STARD13: variants seen among roughly 807,000 people sequenced by gnomAD.
STARD13 encodes the protein stAR-related lipid transfer protein 13.
Under a neutral mutation model 106.4 loss-of-function variants are expected in STARD13, and 62 were observed. That is an observed-to-expected ratio of 0.58 (90% CI 0.48 to 0.72). The LOEUF (loss-of-function observed/expected upper bound fraction) is 0.72. Among genes scored for constraint, STARD13 ranks in the 30% least tolerant of loss-of-function variants. STARD13 has a pLI of 0.00. For missense variants in STARD13, 1,387 were observed against 1,424.0 expected (o/e 0.97, Z 0.42); for synonymous variants, 565 against 553.0 (o/e 1.02, Z -0.31).
chr13:33,128,625 C>G (rs953112096), intron 5 of STARD13, among the ~76,000 whole-genome samples: 1 of 152,064 alleles, frequency 6.6e-6, no homozygotes, highest in Non-Finnish European at 1.5e-5. Flanking sequence ...TATTGGTTAT[C>G]CAGGATTCCC....
intron 1 of STARD13, among the ~76,000 whole-genome samples, chr13:33,339,255 T>TAG (rs1354518171): frequency 1.3e-5 from 2 of 152,218 alleles, no homozygotes; most frequent in East Asian, 3.8e-4. Context: ...CAAACTCATG[T>TAG]AGCTTTGACT....
At chr13:33,667,502 G>A in the STARD13 span, among the ~76,000 whole-genome samples, 2 of 152,164 alleles carry the variant, frequency 1.3e-5, no homozygotes, top group Non-Finnish European at 2.9e-5. Context: ...AGGCAATTAA[G>A]CAAGTAGTTT....
intron 1 of STARD13, among the ~76,000 whole-genome samples, chr13:33,334,669 G>A (rs184421452): frequency 2.0e-5 from 3 of 152,246 alleles, no homozygotes; most frequent in Non-Finnish European, 4.4e-5. Context: ...TTTAAAAGTG[G>A]GCAGGATCTA....
chr13:33,283,148 C>G (rs952879617), intron 1 of STARD13, among the ~76,000 whole-genome samples: 3 of 152,076 alleles, frequency 2.0e-5, no homozygotes, highest in African/African-American at 7.2e-5. Context: ...GAAATATAAC[C>G]TGACAGGAAA....
At chr13:33,674,058 C>T in the STARD13 span, among the ~76,000 whole-genome samples, 3 of 152,058 alleles carry the variant, frequency 2.0e-5, no homozygotes, top group Non-Finnish European at 4.4e-5. Flanking sequence ...CAGGGTTTCA[C>T]CATGTTGGCC....
chr13:33,461,469 T>A, the STARD13 span, among the ~76,000 whole-genome samples: 1 of 152,184 alleles, frequency 6.6e-6, no homozygotes, highest in Non-Finnish European at 1.5e-5. Context: ...GGAGGAAACC[T>A]AGACTCAGAG....
chr13:33,133,635 A>C (rs1184532717), intron 4 of STARD13, among the ~76,000 whole-genome samples: 1 of 138,306 alleles, frequency 7.2e-6, no homozygotes, highest in Admixed American at 7.7e-5. Flanking sequence ...CAGGGCATGC[A>C]TACAGACTAT....
At chr13:33,404,829 T>C in the STARD13 span, among the ~76,000 whole-genome samples, 20 of 145,602 alleles carry the variant, frequency 1.4e-4, no homozygotes, top group African/African-American at 5.1e-4. Context: ...CAGGCTGGAG[T>C]GCAGTGGCAT....
chr13:33,176,997 G>T (rs189248020), intron 1 of STARD13, among the ~76,000 whole-genome samples: 2 of 152,148 alleles, frequency 1.3e-5, no homozygotes, highest in East Asian at 3.8e-4. Context: ...CTTAATTGAG[G>T]ATCTTCACAT....
intron 4 of STARD13, among the ~76,000 whole-genome samples, chr13:33,132,762 A>G (rs369792822): frequency 2.0e-5 from 3 of 152,212 alleles, no homozygotes; most frequent in African/African-American, 7.2e-5. Flanking sequence ...CTGAGTTTTA[A>G]AAAAGTTGTA....
At chr13:33,507,452 C>T in the STARD13 span, among the ~76,000 whole-genome samples, 10 of 152,106 alleles carry the variant, frequency 6.6e-5, no homozygotes, top group East Asian at 1.9e-3. Flanking sequence ...ATAAAGTAAA[C>T]ATTATATTAA....
intron 1 of STARD13, among the ~76,000 whole-genome samples, chr13:33,349,756 C>T (rs2078053525): frequency 6.6e-6 from 1 of 152,330 alleles, no homozygotes; most frequent in Middle Eastern, 3.4e-3. Context: ...CACCAACTAC[C>T]GTCCACCTGT....
At chr13:33,126,796 A>G (rs1877241474) in intron 6 of STARD13, among the ~76,000 whole-genome samples, 1 of 152,230 alleles carries the variant, frequency 6.6e-6, no homozygotes, top group Non-Finnish European at 1.5e-5. Flanking sequence ...TGTATAATAT[A>G]AAACATAGAA....
chr13:33,675,728 A>G, the STARD13 span, among the ~76,000 whole-genome samples: 1 of 152,178 alleles, frequency 6.6e-6, no homozygotes, highest in African/African-American at 2.4e-5. Flanking sequence ...GAACATGTGG[A>G]CAAAGATTTA....
the STARD13 span, among the ~76,000 whole-genome samples, chr13:33,430,678 C>T: frequency 6.6e-6 from 1 of 152,184 alleles, no homozygotes; most frequent in Non-Finnish European, 1.5e-5. Flanking sequence ...AACCTAAGTG[C>T]CCTTCAATGG....
chr13:33,152,102 G>A (rs1881360267), intron 3 of STARD13, among the ~76,000 whole-genome samples: 1 of 152,202 alleles, frequency 6.6e-6, no homozygotes, highest in Admixed American at 6.5e-5. Context: ...GTCCACATAT[G>A]GATGATATAC....
chr13:33,218,486 C>T (rs1399386638), intron 1 of STARD13, among the ~76,000 whole-genome samples: 2 of 152,176 alleles, frequency 1.3e-5, no homozygotes, highest in African/African-American at 2.4e-5. Context: ...ACTCTTGAGT[C>T]TCTCCTTCAG....
At chr13:33,195,878 A>C (rs1886579268) in intron 1 of STARD13, among the ~76,000 whole-genome samples, 1 of 152,116 alleles carries the variant, frequency 6.6e-6, no homozygotes, top group African/African-American at 2.4e-5. Flanking sequence ...ATTCTCCCTC[A>C]AAGGGTGGTC....
chr13:33,460,501 A>AAG, the STARD13 span, among the ~76,000 whole-genome samples: 1 of 152,008 alleles, frequency 6.6e-6, no homozygotes, highest in Non-Finnish European at 1.5e-5. Flanking sequence ...AAAAAAAAAA[A>AAG]AAAGAAAGAT....
Sources: gnomAD v4.1 joint callset for allele counts (sites outside exome capture counted in the v4.1 genomes callset) on GRCh38, gnomAD v4.1.1 for gene constraint, MANE v1.5 for transcripts, NCBI Gene and HGNC (gene_info 2026-07-23, HGNC 2026-07-21) for gene names.